ARHGAP39: variants seen among roughly 807,000 people sequenced by gnomAD.
ARHGAP39 encodes Rho GTPase activating protein 39, also known as rho GTPase-activating protein 39.
ARHGAP39 carries 44 observed loss-of-function variants against 106.9 expected under a neutral mutation model. That is an observed-to-expected ratio of 0.41 (90% confidence interval 0.32 to 0.53). ARHGAP39 has a LOEUF of 0.53. Among genes scored for constraint, ARHGAP39 ranks in the 20% least tolerant of loss-of-function variants. The pLI is 0.21. For synonymous variants in ARHGAP39, 768 were observed against 693.2 expected (o/e 1.11, Z -1.69); for missense variants, 1,496 against 1,577.3 (o/e 0.95, Z 0.87).
chr8:144,544,883 G>A (rs1324404604), intron 6 of ARHGAP39, among the ~76,000 whole-genome samples: 1 of 152,266 alleles, frequency 6.6e-6, no homozygotes, highest in Non-Finnish European at 1.5e-5. Flanking sequence ...ATGGCAGAAG[G>A]CAAGTGCGGC....
chr8:144,589,928 AG>A (rs1819328892), intron 2 of ARHGAP39, among the ~76,000 whole-genome samples: 1 of 152,218 alleles, frequency 6.6e-6, no homozygotes, highest in African/African-American at 2.4e-5. Flanking sequence ...GATGCGTGGG[AG>A]CCCCGCCCAC....
At chr8:144,655,824 G>A (rs146604987) in intron 1 of ARHGAP39, among the ~76,000 whole-genome samples, 167 of 152,206 alleles carry the variant, frequency 1.1e-3, no homozygotes, top group African/African-American at 3.5e-3. Flanking sequence ...GTAACACTAT[G>A]GATGTGACAA....
chr8:144,533,438 GC>G, intron 8 of ARHGAP39, 113 bp from the exon 9 acceptor site: 1 of 1,063,330 alleles, frequency 9.4e-7, no homozygotes, highest in Non-Finnish European at 1.4e-6. Context: ...CAGAATTCCT[GC>G]CCCACACACC....
In ARHGAP39 at chr8:144,605,688, G is replaced by T; in HGVS notation, c.-74C>A. ...CACAACGCCAGCATCAGACGGGAAG[G>T]TGCCGCACTGCAAGAGGGGAGAAGC... On this transcript the variant is annotated 5_prime_UTR_variant, in exon 2 of 12. Coordinates refer to ENST00000377307, the MANE Select transcript of ARHGAP39 (RefSeq NM_025251.3). 1.4e-6 allele frequency: 2 copies of T among 1,455,486 alleles called. No homozygotes were observed. The highest frequency in any genetic ancestry group is 9.6e-7 in the Non-Finnish European group (1 of 1,046,898). 90.2% of individuals were successfully genotyped at this position (1,455,486 alleles called of 1,614,324 possible). A position where few individuals can be genotyped will look rare whatever the true frequency, so the allele number is the denominator to read the frequency against.
chr8:144,666,329 T>C (rs145923972), intron 1 of ARHGAP39, among the ~76,000 whole-genome samples: 126 of 152,350 alleles, frequency 8.3e-4, no homozygotes, highest in African/African-American at 2.9e-3. Flanking sequence ...TCTGGGTTAA[T>C]GCTGAAATGA....
intron 1 of ARHGAP39, among the ~76,000 whole-genome samples, chr8:144,607,235 CAAAA>C (rs1167793437): frequency 0.054 from 2,735 of 50,548 alleles, 31 homozygotes; most frequent in Admixed American, 0.11. Context: ...GACATTGTCT[CAAAA>C]AAAAAAAAAA....
At chr8:144,629,270 G>A (rs565044826) in intron 1 of ARHGAP39, among the ~76,000 whole-genome samples, 2 of 152,352 alleles carry the variant, frequency 1.3e-5, no homozygotes, top group South Asian at 2.1e-4. Context: ...TCAGCCTAAG[G>A]CGGAGCTGCA....
intron 7 of ARHGAP39, among the ~76,000 whole-genome samples, chr8:144,536,314 A>G (rs1292832402): frequency 6.6e-6 from 1 of 152,042 alleles, no homozygotes; most frequent in African/African-American, 2.4e-5. Context: ...GAGCTACAGG[A>G]CCAGGTCACA....
the ARHGAP39 span, among the ~76,000 whole-genome samples, chr8:144,692,635 C>T: frequency 3.9e-4 from 60 of 152,114 alleles, no homozygotes; most frequent in Admixed American, 9.8e-4. Flanking sequence ...GTTGGGCCTG[C>T]AATCCGCCGC....
At chr8:144,571,544 G>C (rs1249471373) in intron 3 of ARHGAP39, among the ~76,000 whole-genome samples, 1 of 152,140 alleles carries the variant, frequency 6.6e-6, no homozygotes, top group South Asian at 2.1e-4. Flanking sequence ...TACTGAATGG[G>C]CAAAAACTGG....
rs765551250 is a variant in ARHGAP39, at chr8:144,533,305, C to T, written c.2709G>A (p.Val903=). 4.2e-5 allele frequency: 68 copies of T among 1,612,916 alleles called. No homozygotes were observed. The Admixed American group carries it at 9.5e-4, about 23-fold the overall frequency. Reference sequence around the variant, plus strand: ...CGTTCTTGGCATGCCGGATCTCCTCCACGTTGGGCTTCTTCAGCCCCTGTG... The same window carrying T: ...CGTTCTTGGCATGCCGGATCTCCTCTACGTTGGGCTTCTTCAGCCCCTGTG... ...GAKKGLKKPN[V]EEIRHAKNAV... Residue 903 remains valine, a synonymous_variant, in exon 9 of 12, where the codon GTG becomes GTA. Coordinates refer to ENST00000377307, the MANE Select transcript of ARHGAP39 (RefSeq NM_025251.3).
intron 3 of ARHGAP39, among the ~76,000 whole-genome samples, chr8:144,573,517 A>G (rs1253554246): frequency 1.3e-5 from 2 of 152,202 alleles, no homozygotes; most frequent in Non-Finnish European, 2.9e-5. Context: ...ATGACAAGTT[A>G]ATGGGTGCAG....
rs890961680 is a variant in ARHGAP39, at chr8:144,604,650, G to C, written c.80+885C>G. ...CTTAAAAATATCAATGTGACAACAG[G>C]CAGAGAAAAGCTGTGGAATTCTTCC... On this transcript the variant is annotated intron_variant, in intron 2 of 11. Transcript: ENST00000377307. The surrounding 1 kb of genome is among the most constrained non-coding windows in gnomAD (Gnocchi z 4.1). Among the ~76,000 whole-genome samples, 1 of 152,176 alleles carries C rather than the reference G, an allele frequency of 6.6e-6. No homozygotes were observed. The highest frequency in any genetic ancestry group is 2.4e-5 in the African/African-American group (1 of 41,430).
intron 2 of ARHGAP39, among the ~76,000 whole-genome samples, chr8:144,588,246 G>A (rs1819256155): frequency 6.6e-6 from 1 of 152,226 alleles, no homozygotes. Flanking sequence ...GCCGCCCCGA[G>A]GGCTCCTGAG....
At chr8:144,683,870 AC>A (rs1822498978) in intron 1 of ARHGAP39, among the ~76,000 whole-genome samples, 1 of 152,158 alleles carries the variant, frequency 6.6e-6, no homozygotes, top group African/African-American at 2.4e-5. Flanking sequence ...CAGCACATGC[AC>A]CCCGGAAGCA....
intron 7 of ARHGAP39, 97 bp downstream of exon 7, chr8:144,537,624 G>A (rs925714249): frequency 7.5e-6 from 4 of 534,590 alleles, no homozygotes; most frequent in Admixed American, 2.5e-5. Flanking sequence ...CATCCCCCCC[G>A]CCCAGAAGCG....
chr8:144,545,273 T>C lies in ARHGAP39; in HGVS notation c.2497A>G (p.Met833Val). The C allele has an allele frequency of 1.9e-6, 3 of 1,554,582 alleles. No homozygotes were observed. Among genetic ancestry groups the C allele is most frequent in the Non-Finnish European group, 2.6e-6 (3 of 1,144,220 alleles). Residue 833 changes from methionine (M) to valine (V), a missense_variant, in exon 6 of 12, where the codon ATG (methionine) becomes GTG (valine). This residue lies in a region of ARHGAP39 where 470 missense variants were observed against 605.1 expected (regional missense o/e 0.78). Coordinates refer to ENST00000377307, the MANE Select transcript of ARHGAP39 (RefSeq NM_025251.3). ...SYLEGYIYRHMDPVNDTKVTQ... is the reference protein window; with the variant it reads ...SYLEGYIYRHVDPVNDTKVTQ... ...CCTTTAGTGTCATTGACGGGGTCCA[T>C]GTGCCGGTAGATGTAGCCTTCCAGG...
At chr8:144,611,626 A>C (rs374233042) in intron 1 of ARHGAP39, among the ~76,000 whole-genome samples, 1 of 152,216 alleles carries the variant, frequency 6.6e-6, no homozygotes. Context: ...AAATCAGTAC[A>C]TTTGATATTA....
intron 6 of ARHGAP39, among the ~76,000 whole-genome samples, chr8:144,543,709 A>C (rs1248753632): frequency 6.6e-6 from 1 of 152,238 alleles, no homozygotes; most frequent in African/African-American, 2.4e-5. Flanking sequence ...ACACGAGCCT[A>C]AGTGTGAAGG....
Sources: gnomAD v4.1 joint callset for allele counts (sites outside exome capture counted in the v4.1 genomes callset) on GRCh38, gnomAD v4.1.1 for gene constraint, gnomAD v4.1.1 regional missense constraint, Gnocchi (gnomAD v3.1) non-coding constraint, MANE v1.5 for transcripts, NCBI Gene and HGNC (gene_info 2026-07-23, HGNC 2026-07-21) for gene names.